The following DTNA variants were observed in gnomAD, a reference collection of about 807,000 sequenced individuals.
DTNA encodes the protein dystrobrevin alpha.
DTNA carries 43 observed loss-of-function variants against 100.7 expected under a neutral mutation model. The ratio of observed to expected loss-of-function variants is 0.43; its 90% CI spans 0.33 to 0.55. The LOEUF (loss-of-function observed/expected upper bound fraction) is 0.55, where lower values mean the gene tolerates loss of function less well. Ranked by LOEUF, DTNA falls within the 20% of genes least tolerant of loss-of-function variation. The probability of loss-of-function intolerance (pLI) is 0.04; values close to 1 mark genes in which losing one functional copy is unlikely to be tolerated. For missense variants in DTNA, 798 were observed against 953.9 expected, an observed-to-expected ratio of 0.84 and a Z score of 2.15; for synonymous variants, 349 against 347.9, an observed-to-expected ratio of 1.00 and a Z score of -0.04.
chr18:34,778,730 G>A (rs938796859), intron 3 of DTNA, among the ~76,000 whole-genome samples: 1 of 152,148 alleles, frequency 6.6e-6, no homozygotes, highest in East Asian at 1.9e-4. Flanking sequence ...AAAAATGTTC[G>A]TGAAAATAAA....
At chr18:34,765,288 T>A (rs2093410065) in intron 2 of DTNA, among the ~76,000 whole-genome samples, 1 of 152,074 alleles carries the variant, frequency 6.6e-6, no homozygotes, top group South Asian at 2.1e-4. Flanking sequence ...AAAAGAAAGG[T>A]TGTTTTAGAA....
At chr18:34,727,952 A>C (rs1461961539) in intron 1 of DTNA, among the ~76,000 whole-genome samples, 1 of 151,564 alleles carries the variant, frequency 6.6e-6, no homozygotes, top group South Asian at 2.1e-4. Flanking sequence ...ATTAAGAGGG[A>C]GGGGGGGAAA....
rs764197275 is a variant in DTNA at position 34,838,729 on chromosome 18, C to T, written c.1254-16C>T. ...TCTCTTAACAACACGCTTTCTTTCC[C>T]CCTGCCCTGTTTCAGGATACAGTAC... On this transcript the variant is annotated splice_polypyrimidine_tract_variant and intron_variant, in intron 12 of 22. Transcript: ENST00000444659. The T allele has an allele frequency of 1.2e-6, 2 of 1,608,240 alleles. No homozygotes were observed. The highest frequency in any genetic ancestry group is 1.7e-6 in the Non-Finnish European group (2 of 1,174,768).
At chr18:34,670,832 A>C (rs566285751) in intron 1 of DTNA, among the ~76,000 whole-genome samples, 22 of 152,214 alleles carry the variant, frequency 1.4e-4, no homozygotes, top group Admixed American at 3.9e-4. Flanking sequence ...GTCTGCCCCT[A>C]CTGGGGGATG....
intron 1 of DTNA, among the ~76,000 whole-genome samples, chr18:34,581,982 T>A (rs1217146410): frequency 3.9e-5 from 6 of 152,180 alleles, no homozygotes; most frequent in Non-Finnish European, 8.8e-5. Context: ...ACAAACAATA[T>A]GTCTAAATAT....
At chr18:34,640,183 G>A (rs780216870) in intron 1 of DTNA, among the ~76,000 whole-genome samples, 22 of 152,092 alleles carry the variant, frequency 1.4e-4, no homozygotes, top group Non-Finnish European at 2.9e-4. Flanking sequence ...TCACCATTTT[G>A]TCAGCAGCTT....
At chr18:34,825,651 A>G (rs2095843375) in intron 9 of DTNA, among the ~76,000 whole-genome samples, 1 of 152,200 alleles carries the variant, frequency 6.6e-6, no homozygotes, top group South Asian at 2.1e-4. Context: ...CCAAAGTTCA[A>G]CATTTCAGTG....
intron 21 of DTNA, 64 bp from the exon 22 acceptor site, chr18:34,884,664 C>A (rs2096905776): frequency 4.5e-6 from 7 of 1,570,568 alleles, no homozygotes; most frequent in Non-Finnish European, 5.3e-6. Flanking sequence ...AATAATTCAC[C>A]AGCTTGACTG....
chr18:34,556,495 G>A (rs2046065775), intron 1 of DTNA, among the ~76,000 whole-genome samples: 1 of 151,820 alleles, frequency 6.6e-6, no homozygotes, highest in Admixed American at 6.6e-5. Context: ...GCATGATTTT[G>A]CAGCGGCTGG....
At chr18:34,575,682 AC>A (rs775692844) in intron 1 of DTNA, among the ~76,000 whole-genome samples, 37 of 152,182 alleles carry the variant, frequency 2.4e-4, no homozygotes, top group Non-Finnish European at 4.6e-4. Context: ...TACTTTTCTG[AC>A]ATAAATTTCA....
chr18:34,606,426 T>G (rs1169972437), intron 1 of DTNA, among the ~76,000 whole-genome samples: 1 of 152,196 alleles, frequency 6.6e-6, no homozygotes, highest in Admixed American at 6.5e-5. Context: ...GTGTCTATTT[T>G]TTATAATCAT....
At chr18:34,522,385 C>T (rs2042225627) in intron 1 of DTNA, among the ~76,000 whole-genome samples, 1 of 152,140 alleles carries the variant, frequency 6.6e-6, no homozygotes, top group Non-Finnish European at 1.5e-5. Flanking sequence ...ATTGTCTCTT[C>T]TAGACTTTTA....
intron 1 of DTNA, among the ~76,000 whole-genome samples, chr18:34,622,321 G>A (rs751719506): frequency 6.6e-6 from 1 of 152,134 alleles, no homozygotes; most frequent in Admixed American, 6.6e-5. Flanking sequence ...CCCCCTATAC[G>A]TATAACTCCG....
chr18:34,888,991 G>A lies in DTNA; in HGVS notation c.*1257G>A, dbSNP rs1025619333. 297 of 985,732 alleles carry A rather than the reference G, an allele frequency of 3.0e-4. 1 individual carries two copies. Among genetic ancestry groups the A allele is most frequent in the Non-Finnish European group, 3.4e-4 (280 of 829,936 alleles). The allele number at this position is 985,732 out of a possible 1,614,324, so 61.1% of individuals were successfully genotyped here. A position where few individuals can be genotyped will look rare whatever the true frequency, so the allele number is the denominator to read the frequency against. On this transcript the variant is annotated 3_prime_UTR_variant, in exon 23 of 23. Coordinates refer to ENST00000444659, the MANE Select transcript of DTNA (RefSeq NM_001386795.1). The stretch of plus-strand genomic sequence containing the variant: ...TTTGCACTCAGTGAAAAGCTGAAGT[G>A]CAAAAGAGCTATCAAAGACAAGAGG...
chr18:34,829,137 CAGGGTGCATGGT>C, intron 10 of DTNA: 4 of 1,613,990 alleles, frequency 2.5e-6, no homozygotes, highest in Non-Finnish European at 3.4e-6. Context: ...CTGGTTCCTC[CAGGGTGCATGGT>C]ACCCATTAAC....
intron 1 of DTNA, among the ~76,000 whole-genome samples, chr18:34,559,553 A>C (rs2046443758): frequency 6.6e-6 from 1 of 152,248 alleles, no homozygotes; most frequent in South Asian, 2.1e-4. Flanking sequence ...CTGGACAGGA[A>C]ATTCAAAAGG....
At chr18:34,536,261 C>CT (rs1235495239) in intron 1 of DTNA, among the ~76,000 whole-genome samples, 1 of 151,768 alleles carries the variant, frequency 6.6e-6, no homozygotes, top group Non-Finnish European at 1.5e-5. Context: ...GTAAATTTGT[C>CT]TTTTTTGAGG....
At chr18:34,719,591 G>GT (rs777233658) in intron 1 of DTNA, among the ~76,000 whole-genome samples, 6 of 152,114 alleles carry the variant, frequency 3.9e-5, no homozygotes, top group Non-Finnish European at 8.8e-5. Context: ...GATGATACTT[G>GT]TAACGTGCTC....
intron 1 of DTNA, among the ~76,000 whole-genome samples, chr18:34,665,483 T>G (rs892968180): frequency 1.3e-5 from 2 of 152,208 alleles, no homozygotes; most frequent in Non-Finnish European, 2.9e-5. Context: ...GCAGGTTTGT[T>G]ACATATGTAT....
Sources: allele counts gnomAD v4.1 joint callset (sites outside exome capture counted in the v4.1 genomes callset), GRCh38; gene constraint gnomAD v4.1.1; transcripts MANE v1.5; gene names NCBI Gene and HGNC (gene_info 2026-07-23, HGNC 2026-07-21).